The following CHI3L2 variants were observed in gnomAD, a reference collection of about 807,000 sequenced individuals.
The protein encoded by CHI3L2 is chitinase-3-like protein 2.
A neutral mutation model predicts 47.3 loss-of-function variants in CHI3L2; 47 were observed. That is an observed-to-expected ratio of 0.99 (90% CI 0.79 to 1.27). The LOEUF is 1.27. CHI3L2 is among the 50% of genes most tolerant of loss of function. CHI3L2 has a pLI of 0.00. For missense variants in CHI3L2, 497 were observed against 462.1 expected (o/e 1.08, Z -0.69); for synonymous variants, 198 against 169.9 (o/e 1.17, Z -1.28).
intron 7 of CHI3L2, among the ~76,000 whole-genome samples, chr1:111,237,734 C>G (rs906632902): frequency 6.6e-6 from 1 of 152,148 alleles, no homozygotes; most frequent in African/African-American, 2.4e-5. Context: ...TCTAAGCCCC[C>G]CAGACATCTG....
chr1:111,240,083 G>A (rs1660002417), intron 8 of CHI3L2, among the ~76,000 whole-genome samples: 1 of 152,190 alleles, frequency 6.6e-6, no homozygotes, highest in Non-Finnish European at 1.5e-5. Context: ...TGGAAGAGGA[G>A]AAGTTTATGC....
intron 7 of CHI3L2, among the ~76,000 whole-genome samples, chr1:111,236,950 G>A (rs557291606): frequency 6.5e-4 from 99 of 152,266 alleles, no homozygotes; most frequent in South Asian, 1.0e-3. Flanking sequence ...GGTTTTTCTC[G>A]CTGTCTTTTG....
chr1:111,237,990 T>A (rs1047385395), intron 7 of CHI3L2, among the ~76,000 whole-genome samples: 1 of 152,228 alleles, frequency 6.6e-6, no homozygotes. Flanking sequence ...ACACCACTTA[T>A]CATAACCCAG....
chr1:111,243,258 G>A lies in CHI3L2; in HGVS notation c.*44G>A. On this transcript the variant is annotated 3_prime_UTR_variant, in exon 11 of 11. Transcript: ENST00000369748. The stretch of plus-strand genomic sequence containing the variant: ...AGCAGGCAAGATGACCTTGCTGCCT[G>A]GGGCCTGCTCTCTCCCAGGAATTCT... 1 of 456,066 alleles carries A rather than the reference G, an allele frequency of 2.2e-6. No homozygotes were observed. The highest frequency in any genetic ancestry group is 4.4e-6 in the Non-Finnish European group (1 of 226,810). 28.3% of individuals were successfully genotyped at this position (456,066 alleles called of 1,614,324 possible).
At chr1:111,231,344 C>A in intron 4 of CHI3L2, 50 bp downstream of exon 4, 1 of 1,381,926 alleles carries the variant, frequency 7.2e-7, no homozygotes, top group Non-Finnish European at 1.0e-6. Flanking sequence ...AATTTTTGAT[C>A]ATCATCATTT....
intron 1 of CHI3L2, 69 bp downstream of exon 1, chr1:111,227,838 A>ATTACTTCTTCTAC: frequency 6.9e-7 from 1 of 1,452,832 alleles, no homozygotes; most frequent in Non-Finnish European, 9.7e-7. Flanking sequence ...TCTGTAGAAG[A>ATTACTTCTTCTAC]AGTAATCTTC....
chr1:111,234,866 C>A, intron 4 of CHI3L2, 41 bp from the exon 5 acceptor site: 3 of 1,600,706 alleles, frequency 1.9e-6, no homozygotes, highest in Non-Finnish European at 2.6e-6. Flanking sequence ...ACAAGTGTTA[C>A]TTGTTCTTTC....
intron 1 of CHI3L2, among the ~76,000 whole-genome samples, chr1:111,228,743 G>T (rs1659602480): frequency 6.6e-6 from 1 of 152,186 alleles, no homozygotes; most frequent in Non-Finnish European, 1.5e-5. Flanking sequence ...CTTTTTGGCT[G>T]CCCCTTTCTT....
intron 4 of CHI3L2, among the ~76,000 whole-genome samples, chr1:111,233,756 A>C (rs1362170658): frequency 1.3e-5 from 2 of 151,548 alleles, no homozygotes; most frequent in East Asian, 1.9e-4. Flanking sequence ...GAAAGGGGGG[A>C]AAGGTGGGGA....
intron 6 of CHI3L2, 119 bp downstream of exon 6, chr1:111,235,882 C>T: frequency 6.5e-7 from 1 of 1,539,330 alleles, no homozygotes; most frequent in East Asian, 2.3e-5. Context: ...TTGTCCTAAC[C>T]CTGCATCATT....
intron 7 of CHI3L2, among the ~76,000 whole-genome samples, chr1:111,236,500 C>A (rs1659891864): frequency 6.6e-6 from 1 of 152,098 alleles, no homozygotes; most frequent in Admixed American, 6.6e-5. Context: ...CATCTATATT[C>A]CCTATTTAAT....
At chr1:111,234,461 G>A (rs150138174) in intron 4 of CHI3L2, among the ~76,000 whole-genome samples, 9 of 152,282 alleles carry the variant, frequency 5.9e-5, no homozygotes, top group Non-Finnish European at 1.3e-4. Flanking sequence ...ATGCCAGAGC[G>A]ATGAGATACC....
chr1:111,242,529 A>G (rs1382057413), intron 10 of CHI3L2, 163 bp downstream of exon 10: 4 of 578,596 alleles, frequency 6.9e-6, no homozygotes, highest in Non-Finnish European at 1.1e-5. Context: ...TGCCCTTTTC[A>G]TAGGCTTCCC....
At chr1:111,230,362 T>C (rs12028527) in intron 2 of CHI3L2, among the ~76,000 whole-genome samples, 14,678 of 152,102 alleles carry the variant, frequency 0.097, 979 homozygotes, top group East Asian at 0.35. Flanking sequence ...CAAACAATCC[T>C]CCAACTTCAG....
chr1:111,238,299 TAC>T (rs1291956984), intron 7 of CHI3L2, among the ~76,000 whole-genome samples: 6 of 152,256 alleles, frequency 3.9e-5, no homozygotes, highest in Non-Finnish European at 8.8e-5. Flanking sequence ...TCAAATATTT[TAC>T]AGAGTTTGAC....
rs1466569256 is a variant in CHI3L2 at position 111,242,299 on chromosome 1, A to T, written c.1108A>T (p.Lys370Ter). Residue 370 changes from lysine to a stop codon, truncating the protein, a stop_gained, in exon 10 of 11, where the codon AAA (lysine) becomes TAA (stop). Coordinates refer to ENST00000369748, the MANE Select transcript of CHI3L2 (RefSeq NM_004000.3). LOFTEE classifies it high-confidence loss of function. ...WSIDMDDFTGKSCNQGPYPLV... is the reference protein window; with the variant it reads ...WSIDMDDFTG ...TATTGACATGGATGACTTCACTGGC[A>T]AATCCTGCAACCAGGGCCCTTACCC... The T allele has an allele frequency of 1.2e-6, 2 of 1,613,926 alleles. No homozygotes were observed. Among genetic ancestry groups the T allele is most frequent in the Non-Finnish European group, 1.7e-6 (2 of 1,179,978 alleles).
chr1:111,235,776 G>A lies in CHI3L2; in HGVS notation c.605+13G>A, dbSNP rs751015212. The stretch of plus-strand genomic sequence containing the variant: ...AGAAACTGGCAAAGTGAGTACATCA[G>A]AGCAACTTTCCATCCCTCTGCTTCC... On this transcript the variant is annotated intron_variant, in intron 6 of 10. Transcript: ENST00000369748. 5.0e-6 allele frequency: 8 copies of A among 1,611,022 alleles called. No individual in the cohort carries two copies. Among genetic ancestry groups the A allele is most frequent in the African/African-American group, 2.7e-5 (2 of 74,818 alleles).
In CHI3L2 at chr1:111,231,288, C is replaced by G. The variant is rs1376962489; in HGVS notation, c.323C>G (p.Ser108Cys). 5 of 1,607,790 alleles carry G rather than the reference C, an allele frequency of 3.1e-6. No individual in the cohort carries two copies. Among genetic ancestry groups the G allele is most frequent in the Non-Finnish European group, 8.5e-7 (1 of 1,174,784 alleles). The change falls in exon 4 of 11, where the codon TCC becomes TGC. Residue 108 changes from serine to cysteine, a missense_variant. Ser to Cys is a moderately radical substitution (Grantham distance 112). Transcript: ENST00000369748. ...TCCATTGGAGGGTACCTGTTTGGTTCCAAAGGGTAAGACTACATCTTTATT... is the reference window on the plus strand; with the variant it reads ...TCCATTGGAGGGTACCTGTTTGGTTGCAAAGGGTAAGACTACATCTTTATT... Reference protein sequence around the residue: ...LLSIGGYLFGSKGFHPMVDSS... With the variant: ...LLSIGGYLFGCKGFHPMVDSS...
intron 4 of CHI3L2, among the ~76,000 whole-genome samples, chr1:111,233,436 A>C (rs1179047286): frequency 1.3e-5 from 2 of 152,238 alleles, no homozygotes; most frequent in Non-Finnish European, 2.9e-5. Flanking sequence ...CAAAGTGGCC[A>C]TCAATCAGAA....
Sources: allele counts gnomAD v4.1 joint callset (sites outside exome capture counted in the v4.1 genomes callset), GRCh38; gene constraint gnomAD v4.1.1; transcripts MANE v1.5; gene names NCBI Gene and HGNC (gene_info 2026-07-23, HGNC 2026-07-21).